VTI1A: variants seen among roughly 807,000 people sequenced by gnomAD.
VTI1A encodes vesicle transport through interaction with t-SNAREs homolog 1A.
In VTI1A, 22 loss-of-function variants were observed where a neutral mutation model predicts 34.9. The observed-to-expected ratio is 0.63, with a 90% CI of 0.45 to 0.90. VTI1A has a LOEUF of 0.90. Among genes scored for constraint, VTI1A ranks in the 40% least tolerant of loss-of-function variants. The probability of loss-of-function intolerance (pLI) is 0.00; values close to 1 mark genes in which losing one functional copy is unlikely to be tolerated. For missense variants in VTI1A, 268 were observed against 275.6 expected, an observed-to-expected ratio of 0.97 and a Z score of 0.20; for synonymous variants, 87 against 97.3, an observed-to-expected ratio of 0.89 and a Z score of 0.62.
At chr10:112,668,916 T>G in intron 6 of VTI1A, 21 bp from the exon 7 acceptor site, 7 of 1,611,400 alleles carry the variant, frequency 4.3e-6, no homozygotes, top group Non-Finnish European at 5.9e-6. Context: ...AACTTCTGTT[T>G]TGTTTTGTTT....
chr10:112,599,705 G>C (rs1844810015), intron 5 of VTI1A, among the ~76,000 whole-genome samples: 1 of 152,026 alleles, frequency 6.6e-6, no homozygotes, highest in African/African-American at 2.4e-5. Context: ...TCAAATTTCT[G>C]AGTAGCCAGG....
At chr10:112,796,855 T>G (rs766371032) in intron 7 of VTI1A, among the ~76,000 whole-genome samples, 2 of 152,240 alleles carry the variant, frequency 1.3e-5, no homozygotes, top group Non-Finnish European at 2.9e-5. Context: ...GCCTTGGCTA[T>G]TCCCAAGATT....
intron 5 of VTI1A, among the ~76,000 whole-genome samples, chr10:112,614,615 C>T (rs1255398649): frequency 6.6e-6 from 1 of 152,114 alleles, no homozygotes; most frequent in Non-Finnish European, 1.5e-5. Context: ...TCCAAGAGAG[C>T]TCCTGTATAT....
At chr10:112,701,728 TC>T (rs1295935000) in intron 7 of VTI1A, among the ~76,000 whole-genome samples, 1 of 152,198 alleles carries the variant, frequency 6.6e-6, no homozygotes. Flanking sequence ...TGCACAGCAG[TC>T]CTAGGGGAAT....
chr10:112,843,630 G>A, the VTI1A span, among the ~76,000 whole-genome samples: 1 of 152,134 alleles, frequency 6.6e-6, no homozygotes, highest in African/African-American at 2.4e-5. Context: ...CCATAAACCT[G>A]GTGCTCAAGA....
In VTI1A at chr10:112,468,053, T is replaced by C. The variant is rs115155533; in HGVS notation, c.264+3396T>C. On this transcript the variant is annotated intron_variant, in intron 3 of 7. Transcript: ENST00000393077. ...GAATAGAGAGTGACCAGCAGGGTGA[T>C]TGTGGCCATTTGTGCTTGGGTGTTC... Among the ~76,000 whole-genome samples the C allele has an allele frequency of 4.8e-3, 736 of 152,346 alleles. 4 individuals carry two copies. Among genetic ancestry groups the C allele is most frequent in the African/African-American group, 0.017 (706 of 41,582 alleles).
intron 5 of VTI1A, among the ~76,000 whole-genome samples, chr10:112,666,475 C>T (rs117672686): frequency 0.017 from 2,540 of 152,180 alleles, 32 homozygotes; most frequent in Non-Finnish European, 0.026. Flanking sequence ...TTCCTCAGTG[C>T]TGGCATGGAA....
the VTI1A span, chr10:112,827,188 C>T: frequency 2.0e-5 from 3 of 152,204 alleles, no homozygotes; most frequent in Admixed American, 1.3e-4. Flanking sequence ...CCGTGTAGTA[C>T]ATAGTCACAT....
At chr10:112,614,217 A>T (rs1845430066) in intron 5 of VTI1A, among the ~76,000 whole-genome samples, 3 of 152,148 alleles carry the variant, frequency 2.0e-5, no homozygotes, top group African/African-American at 7.2e-5. Flanking sequence ...CTTAAGAAGC[A>T]ATTTTTCTTT....
chr10:112,840,637 G>A, the VTI1A span, among the ~76,000 whole-genome samples: 94,967 of 152,100 alleles, frequency 0.62, 31,102 homozygotes, highest in East Asian at 0.81. Context: ...CCCACTGCCT[G>A]CTTGCCCAAG....
chr10:112,691,920 G>T (rs1003082073), intron 7 of VTI1A, among the ~76,000 whole-genome samples: 1 of 152,192 alleles, frequency 6.6e-6, no homozygotes, highest in South Asian at 2.1e-4. Flanking sequence ...ACCTTTCCAT[G>T]CATGCTGTGG....
chr10:112,635,748 A>G (rs995949035), intron 5 of VTI1A, among the ~76,000 whole-genome samples: 1 of 152,196 alleles, frequency 6.6e-6, no homozygotes, highest in Non-Finnish European at 1.5e-5. Context: ...GGGAAGCAAA[A>G]TAAAGGAAGA....
chr10:112,796,971 G>A (rs755807239), intron 7 of VTI1A, among the ~76,000 whole-genome samples: 5 of 152,138 alleles, frequency 3.3e-5, no homozygotes, highest in Non-Finnish European at 7.4e-5. Context: ...ATAGCACAGG[G>A]TAAAAAATAA....
intron 7 of VTI1A, among the ~76,000 whole-genome samples, chr10:112,698,637 A>G (rs1848878659): frequency 1.3e-5 from 2 of 152,360 alleles, no homozygotes; most frequent in Middle Eastern, 3.4e-3. Context: ...GCTTTACCAC[A>G]TGGCTTAACA....
chr10:112,728,910 A>G (rs906444938), intron 7 of VTI1A, among the ~76,000 whole-genome samples: 1 of 152,076 alleles, frequency 6.6e-6, no homozygotes, highest in Non-Finnish European at 1.5e-5. Context: ...TTATTATACC[A>G]TTTTATAAGT....
intron 7 of VTI1A, among the ~76,000 whole-genome samples, chr10:112,753,045 A>T (rs1379983300): frequency 2.8e-5 from 4 of 145,208 alleles, no homozygotes; most frequent in Non-Finnish European, 4.4e-5. Context: ...TTCTAAATTA[A>T]ATTAGATTTA....
chr10:112,590,933 T>C (rs1589945141), intron 5 of VTI1A, among the ~76,000 whole-genome samples: 1 of 151,782 alleles, frequency 6.6e-6, no homozygotes, highest in East Asian at 2.0e-4. Flanking sequence ...AAATCCTGTC[T>C]GTACAAAACA....
the VTI1A span, among the ~76,000 whole-genome samples, chr10:112,846,853 CTACCA>C: frequency 2.6e-5 from 4 of 151,940 alleles, no homozygotes; most frequent in African/African-American, 9.7e-5. Flanking sequence ...TGTCTACTGG[CTACCA>C]TATTGAACAG....
At position 112,818,327 on chromosome 10, in the gene VTI1A, A is replaced by T. The variant is rs1339365924; in HGVS notation, c.*2944A>T. On this transcript the variant is annotated 3_prime_UTR_variant, in exon 8 of 8. Coordinates refer to ENST00000393077, the MANE Select transcript of VTI1A (RefSeq NM_145206.4). ...CTGCCTGTTCCAAAAACCTCATCAGATAATGACCTCAGTGATTGGGTTTTC... is the reference window on the plus strand; with the variant it reads ...CTGCCTGTTCCAAAAACCTCATCAGTTAATGACCTCAGTGATTGGGTTTTC... The T allele has an allele frequency of 1.3e-5, 3 of 232,954 alleles. No individual in the cohort carries two copies. The highest frequency in any genetic ancestry group is 5.6e-5 in the Admixed American group (1 of 17,752). The allele number at this position is 232,954 out of a possible 1,614,324, so 14.4% of individuals were successfully genotyped here.
Sources: gnomAD v4.1 joint callset for allele counts (sites outside exome capture counted in the v4.1 genomes callset) on GRCh38, gnomAD v4.1.1 for gene constraint, MANE v1.5 for transcripts, NCBI Gene and HGNC (gene_info 2026-07-23, HGNC 2026-07-21) for gene names.